The following ANKRD31 variants were observed in gnomAD, a reference collection of about 807,000 sequenced individuals.
The protein encoded by ANKRD31 is ankyrin repeat domain 31.
Under a neutral mutation model 186.0 loss-of-function variants are expected in ANKRD31, and 147 were observed. The ratio of observed to expected loss-of-function variants is 0.79; its 90% CI spans 0.69 to 0.91. The LOEUF is 0.91. Ranked by LOEUF, ANKRD31 falls within the 40% of genes least tolerant of loss-of-function variation. The probability of loss-of-function intolerance (pLI) is 0.00; values close to 1 mark genes in which losing one functional copy is unlikely to be tolerated. For synonymous variants in ANKRD31, 673 were observed against 736.4 expected, an observed-to-expected ratio of 0.91 and a Z score of 1.39; for missense variants, 1,986 against 2,148.8, an observed-to-expected ratio of 0.92 and a Z score of 1.50.
rs189898199 is a variant in ANKRD31, at chr5:75,099,722, G to A, written c.5331+4506C>T. Among the ~76,000 whole-genome samples, 531 of 152,256 alleles carry A rather than the reference G, an allele frequency of 3.5e-3. 10 individuals are homozygous for A. Among genetic ancestry groups the A allele is most frequent in the Admixed American group, 0.029 (442 of 15,290 alleles). ...AGATTTTCTTGTTTATTTGCGTATA[G>A]GTGTTTATAGTATTCTCTGATGGTA... On this transcript the variant is annotated intron_variant, in intron 22 of 25. Coordinates refer to ENST00000506364, the MANE Select transcript of ANKRD31 (RefSeq NM_001372053.1).
At chr5:75,140,849 T>C (rs1374844866) in intron 15 of ANKRD31, among the ~76,000 whole-genome samples, 2 of 152,148 alleles carry the variant, frequency 1.3e-5, no homozygotes, top group Non-Finnish European at 2.9e-5. Context: ...AGCTTGAAAG[T>C]GTATCCTTCC....
In ANKRD31 at chr5:75,196,113, T is replaced by C; in HGVS notation, c.535A>G (p.Thr179Ala). The C allele has an allele frequency of 2.0e-6, 3 of 1,536,024 alleles. No homozygotes were observed. Among genetic ancestry groups the C allele is most frequent in the Non-Finnish European group, 2.6e-6 (3 of 1,146,474 alleles). ...ATCTTCTCTGGCTCTACTAATGATG[T>C]CTCCTTTACAGCAACTGTATCAGAT... The part of the protein sequence containing the change: ...TVSDTVAVKE[T>A]SLVEPEKILA... Residue 179 changes from threonine (T) to alanine (A), a missense_variant, in exon 7 of 26, where the codon ACA (threonine) becomes GCA (alanine). Coordinates refer to ENST00000506364, the MANE Select transcript of ANKRD31 (RefSeq NM_001372053.1).
At chr5:75,147,582 A>G (rs146426760) in intron 13 of ANKRD31, 77 bp from the exon 14 acceptor site, 7 of 1,001,776 alleles carry the variant, frequency 7.0e-6, no homozygotes, top group Admixed American at 3.4e-5. Context: ...TTATTGATAA[A>G]TCAACTATTA....
In ANKRD31 at chr5:75,147,502, G is replaced by A; in HGVS notation, c.1909C>T (p.Pro637Ser). Residue 637 changes from proline (P) to serine (S), a missense_variant, in exon 14 of 26, where the codon CCA (proline) becomes TCA (serine). By Grantham distance (74) the Pro-to-Ser change is moderately conservative (BLOSUM62 -1). Transcript: ENST00000506364. ...ATGTGACTTTTAGAACTGAACTTTG[G>A]TTTCTATAGAAAAAAAATACATAGT... ...DIEDVYQHKK[P>S]KFSSKSHIWH... The A allele has an allele frequency of 1.4e-6, 2 of 1,429,562 alleles. No individual in the cohort carries two copies. Among genetic ancestry groups the A allele is most frequent in the Non-Finnish European group, 1.8e-6 (2 of 1,097,960 alleles). The allele number at this position is 1,429,562 out of a possible 1,614,324, so 88.6% of individuals were successfully genotyped here.
chr5:75,206,884 G>C (rs1756288361), intron 4 of ANKRD31, among the ~76,000 whole-genome samples: 1 of 152,124 alleles, frequency 6.6e-6, no homozygotes, highest in South Asian at 2.1e-4. Flanking sequence ...ATGTAAGTGA[G>C]AGTCATTAAT....
At chr5:75,166,641 A>T (rs945242790) in intron 11 of ANKRD31, among the ~76,000 whole-genome samples, 11 of 152,194 alleles carry the variant, frequency 7.2e-5, no homozygotes, top group African/African-American at 2.7e-4. Flanking sequence ...GATACTTCAA[A>T]TAAAAACTTT....
At chr5:75,232,183 A>G (rs1197857240) in intron 1 of ANKRD31, among the ~76,000 whole-genome samples, 3 of 152,190 alleles carry the variant, frequency 2.0e-5, no homozygotes, top group African/African-American at 7.2e-5. Flanking sequence ...CCATCTACTG[A>G]TGTTCCTCCA....
At chr5:75,072,660 T>C (rs1054995279) in intron 25 of ANKRD31, among the ~76,000 whole-genome samples, 4 of 152,194 alleles carry the variant, frequency 2.6e-5, no homozygotes, top group Non-Finnish European at 5.9e-5. Context: ...AAGAAGTAGA[T>C]GGGATATTTC....
intron 22 of ANKRD31, among the ~76,000 whole-genome samples, chr5:75,103,995 C>G (rs1275048827): frequency 6.6e-6 from 1 of 151,992 alleles, no homozygotes; most frequent in Admixed American, 6.6e-5. Flanking sequence ...GCACATGTAT[C>G]CTGGAACTTA....
chr5:75,226,358 C>T (rs113169692), intron 2 of ANKRD31, among the ~76,000 whole-genome samples: 16 of 152,144 alleles, frequency 1.1e-4, no homozygotes, highest in South Asian at 2.1e-4. Flanking sequence ...GACTCAGTAC[C>T]GTGCTGGGTT....
At chr5:75,102,411 C>T (rs1746975531) in intron 22 of ANKRD31, among the ~76,000 whole-genome samples, 1 of 152,204 alleles carries the variant, frequency 6.6e-6, no homozygotes, top group African/African-American at 2.4e-5. Flanking sequence ...TCTGTCCATT[C>T]TCAGATCTCA....
At chr5:75,135,106 C>T (rs555846204) in intron 17 of ANKRD31, among the ~76,000 whole-genome samples, 8 of 152,266 alleles carry the variant, frequency 5.3e-5, no homozygotes, top group Non-Finnish European at 1.0e-4. Context: ...AAAACTGGCA[C>T]AAGACAGGGA....
rs975494698 is a variant in ANKRD31, at chr5:75,230,533, G to A, written c.178+29C>T. ...TGGGGACTAACTGGGAAACTAAAGG[G>A]ACTACTTAATGAAAAGAATCATTCT... On this transcript the variant is annotated intron_variant, in intron 2 of 25. Coordinates refer to ENST00000506364, the MANE Select transcript of ANKRD31 (RefSeq NM_001372053.1). The A allele has an allele frequency of 5.3e-6, 8 of 1,495,818 alleles. No individual in the cohort carries two copies. The African/African-American group carries it at 1.1e-4, about 21-fold the overall frequency. The allele number at this position is 1,495,818 out of a possible 1,614,324, so 92.7% of individuals were successfully genotyped here.
chr5:75,109,662 A>T (rs1318322112), intron 20 of ANKRD31, among the ~76,000 whole-genome samples: 1 of 152,184 alleles, frequency 6.6e-6, no homozygotes, highest in African/African-American at 2.4e-5. Flanking sequence ...GAGCTACCAC[A>T]GCAGGGCCAA....
chr5:75,136,071 C>A (rs1750549692), intron 17 of ANKRD31, among the ~76,000 whole-genome samples: 1 of 152,030 alleles, frequency 6.6e-6, no homozygotes. Flanking sequence ...CCGCAGAAAA[C>A]CTAGGCAATA....
Position 75,118,118 on chromosome 5 carries a change from A to T in ANKRD31, c.4039+17T>A. The T allele has an allele frequency of 7.3e-7, 1 of 1,378,032 alleles. No homozygotes were observed. The highest frequency in any genetic ancestry group is 9.3e-7 in the Non-Finnish European group (1 of 1,070,466). 85.4% of individuals were successfully genotyped at this position (1,378,032 alleles called of 1,614,324 possible). ...ATATATCTCTATATAAAATAGCAGCAATATTGATATACATACCATTGACTA... is the reference window on the plus strand; with the variant it reads ...ATATATCTCTATATAAAATAGCAGCTATATTGATATACATACCATTGACTA... On this transcript the variant is annotated intron_variant, in intron 18 of 25. Transcript: ENST00000506364.
chr5:75,180,025 T>C (rs1754162459), intron 10 of ANKRD31, among the ~76,000 whole-genome samples: 1 of 152,202 alleles, frequency 6.6e-6, no homozygotes, highest in African/African-American at 2.4e-5. Flanking sequence ...GTTAAGCAAC[T>C]TCAGCAAAGT....
At chr5:75,206,572 T>C in intron 4 of ANKRD31, 85 bp from the exon 5 acceptor site, 1 of 703,008 alleles carries the variant, frequency 1.4e-6, no homozygotes, top group Non-Finnish European at 2.0e-6. Flanking sequence ...TTTTTCTTTT[T>C]CACTTAAAGG....
At chr5:75,164,985 T>C (rs868049959) in intron 11 of ANKRD31, among the ~76,000 whole-genome samples, 178 of 152,242 alleles carry the variant, frequency 1.2e-3, no homozygotes, top group African/African-American at 4.2e-3. Flanking sequence ...TGCTGTGTCT[T>C]AATAATTTTT....
Sources: gnomAD v4.1 joint callset for allele counts (sites outside exome capture counted in the v4.1 genomes callset) on GRCh38, gnomAD v4.1.1 for gene constraint, MANE v1.5 for transcripts, NCBI Gene and HGNC (gene_info 2026-07-23, HGNC 2026-07-21) for gene names.